The following MIPOL1 variants were observed in gnomAD, a reference collection of about 807,000 sequenced individuals.
MIPOL1 encodes mirror-image polydactyly 1.
Under a neutral mutation model 60.9 loss-of-function variants are expected in MIPOL1, and 57 were observed. The ratio of observed to expected loss-of-function variants is 0.94; its 90% CI spans 0.76 to 1.17. MIPOL1 has a LOEUF of 1.17. MIPOL1 is among the 50% of genes most tolerant of loss of function. The pLI is 0.00. For synonymous variants in MIPOL1, 179 were observed against 168.8 expected (o/e 1.06, Z -0.47); for missense variants, 551 against 511.6 (o/e 1.08, Z -0.74).
chr14:37,374,019 A>T (rs1268716358), intron 10 of MIPOL1, among the ~76,000 whole-genome samples: 1 of 152,110 alleles, frequency 6.6e-6, no homozygotes, highest in Admixed American at 6.5e-5. Context: ...AAACGTTCCT[A>T]TTTCTCCACA....
chr14:37,281,788 T>G (rs1567265710), intron 6 of MIPOL1, among the ~76,000 whole-genome samples: 1 of 152,232 alleles, frequency 6.6e-6, no homozygotes, highest in Non-Finnish European at 1.5e-5. Flanking sequence ...TGGGGTCTTT[T>G]GTGATTCCAT....
At chr14:37,390,974 C>T (rs944064628) in intron 10 of MIPOL1, among the ~76,000 whole-genome samples, 2 of 151,800 alleles carry the variant, frequency 1.3e-5, no homozygotes, top group Admixed American at 6.6e-5. Flanking sequence ...CACATGGACA[C>T]AATACAATTA....
chr14:37,304,412 T>C (rs774615469), intron 7 of MIPOL1, among the ~76,000 whole-genome samples: 4 of 151,846 alleles, frequency 2.6e-5, no homozygotes, highest in Non-Finnish European at 5.9e-5. Flanking sequence ...CATACTCTTA[T>C]ATACGTTTGC....
At chr14:37,241,764 A>G (rs1355818152) in intron 1 of MIPOL1, among the ~76,000 whole-genome samples, 1 of 152,126 alleles carries the variant, frequency 6.6e-6, no homozygotes, top group Admixed American at 6.5e-5. Flanking sequence ...AAACTTTAGA[A>G]CCCTGAATTT....
chr14:37,500,339 T>C (rs1235127883), intron 12 of MIPOL1, among the ~76,000 whole-genome samples: 1 of 152,198 alleles, frequency 6.6e-6, no homozygotes, highest in African/African-American at 2.4e-5. Flanking sequence ...GAACCATTGT[T>C]ACCCTGTAGG....
chr14:37,398,529 T>C (rs1352534874), intron 10 of MIPOL1, among the ~76,000 whole-genome samples: 1 of 152,208 alleles, frequency 6.6e-6, no homozygotes, highest in Non-Finnish European at 1.5e-5. Context: ...GGCCAACCTT[T>C]TCGTATCTTC....
chr14:37,273,772 C>G lies in MIPOL1; in HGVS notation c.493+3247C>G, dbSNP rs112412305. ...TCTACCGTTGGGCACGTTTTTTAGC[C>G]TCTTTGGGTTTATCTTCTCCGATGT... On this transcript the variant is annotated intron_variant, in intron 6 of 12. Transcript: ENST00000684589. Among the ~76,000 whole-genome samples the G allele has an allele frequency of 3.9e-3, 590 of 151,426 alleles. 4 individuals carry two copies. Among genetic ancestry groups the G allele is most frequent in the African/African-American group, 0.013 (552 of 41,470 alleles).
At chr14:37,483,269 C>A (rs112671146) in intron 11 of MIPOL1, among the ~76,000 whole-genome samples, 2 of 151,216 alleles carry the variant, frequency 1.3e-5, no homozygotes, top group Non-Finnish European at 3.0e-5. Context: ...TATGCCACCA[C>A]GCCTGGCTAA....
intron 10 of MIPOL1, among the ~76,000 whole-genome samples, chr14:37,392,310 T>G (rs954312996): frequency 6.6e-6 from 1 of 152,178 alleles, no homozygotes; most frequent in Admixed American, 6.5e-5. Context: ...ACCTAAGTAT[T>G]TAATATTTAG....
intron 12 of MIPOL1, among the ~76,000 whole-genome samples, chr14:37,540,980 A>T (rs2095527423): frequency 6.6e-6 from 1 of 152,162 alleles, no homozygotes. Context: ...ATTTAATATG[A>T]GTTTCAGGCA....
intron 9 of MIPOL1, among the ~76,000 whole-genome samples, chr14:37,324,909 C>G (rs1256282358): frequency 1.3e-5 from 2 of 152,046 alleles, no homozygotes; most frequent in African/African-American, 4.8e-5. Flanking sequence ...ATCTATTTAT[C>G]TATCTTTATG....
intron 10 of MIPOL1, among the ~76,000 whole-genome samples, chr14:37,373,656 G>A (rs1272095825): frequency 6.6e-6 from 1 of 151,980 alleles, no homozygotes; most frequent in Non-Finnish European, 1.5e-5. Flanking sequence ...CTGTTCCTGT[G>A]TTAGTTTGCT....
chr14:37,351,074 A>T (rs2091326520), intron 9 of MIPOL1, among the ~76,000 whole-genome samples: 1 of 106,096 alleles, frequency 9.4e-6, no homozygotes, highest in Non-Finnish European at 1.8e-5. Flanking sequence ...CCACCCCACA[A>T]CGGTCCCCAG....
intron 6 of MIPOL1, among the ~76,000 whole-genome samples, chr14:37,275,818 A>G (rs1392864817): frequency 6.6e-6 from 1 of 151,098 alleles, no homozygotes; most frequent in African/African-American, 2.4e-5. Flanking sequence ...TCTTTCTTGC[A>G]TGTCATCCAT....
intron 11 of MIPOL1, among the ~76,000 whole-genome samples, chr14:37,430,338 TA>T (rs1254751619): frequency 1.3e-5 from 2 of 152,114 alleles, no homozygotes; most frequent in Admixed American, 6.6e-5. Context: ...ATTAAATTTT[TA>T]TTTAGTAACA....
chr14:37,216,927 G>T (rs1034673414), intron 1 of MIPOL1, among the ~76,000 whole-genome samples: 1 of 151,918 alleles, frequency 6.6e-6, no homozygotes, highest in Non-Finnish European at 1.5e-5. Flanking sequence ...AAAGAATAAA[G>T]ATCTGAATAG....
At chr14:37,200,689 A>T in intron 1 of MIPOL1, among the ~76,000 whole-genome samples, 1 of 130,288 alleles carries the variant, frequency 7.7e-6, no homozygotes, top group African/African-American at 3.7e-5. Context: ...TTTTTTTTTA[A>T]CACAGTCCTC....
intron 11 of MIPOL1, among the ~76,000 whole-genome samples, chr14:37,456,586 G>A (rs2094478578): frequency 6.6e-6 from 1 of 151,966 alleles, no homozygotes; most frequent in Non-Finnish European, 1.5e-5. Context: ...GGAATTATAA[G>A]GGCAATAAAC....
chr14:37,525,995 G>A (rs1324562302), intron 12 of MIPOL1, among the ~76,000 whole-genome samples: 1 of 152,046 alleles, frequency 6.6e-6, no homozygotes, highest in Non-Finnish European at 1.5e-5. Context: ...GAATCAATGG[G>A]AAAAAGTAGA....
Sources: gnomAD v4.1 joint callset for allele counts (sites outside exome capture counted in the v4.1 genomes callset) on GRCh38, gnomAD v4.1.1 for gene constraint, MANE v1.5 for transcripts, NCBI Gene and HGNC (gene_info 2026-07-23, HGNC 2026-07-21) for gene names.